The following UNC80 variants were observed in gnomAD, a reference collection of about 807,000 sequenced individuals.
UNC80 encodes unc-80 subunit of NALCN channel complex.
Under a neutral mutation model 384.6 loss-of-function variants are expected in UNC80, and 164 were observed. The ratio of observed to expected loss-of-function variants is 0.43; its 90% confidence interval spans 0.38 to 0.49. UNC80 has a LOEUF of 0.49. UNC80 is among the 20% of genes least tolerant of loss of function. The pLI is 0.00. For missense variants in UNC80, 3,330 were observed against 4,143.0 expected, an observed-to-expected ratio of 0.80 and a Z score of 5.39; for synonymous variants, 1,486 against 1,527.8, an observed-to-expected ratio of 0.97 and a Z score of 0.64.
At chr2:209,813,483 C>G (rs1295182531) in intron 7 of UNC80, 97 bp from the exon 8 acceptor site, 1 of 1,302,340 alleles carries the variant, frequency 7.7e-7, no homozygotes, top group African/African-American at 1.5e-5. Context: ...AAATGAATAA[C>G]TAAACAAATG....
chr2:209,850,895 A>C (rs889568844), intron 22 of UNC80, among the ~76,000 whole-genome samples: 1 of 152,100 alleles, frequency 6.6e-6, no homozygotes, highest in Non-Finnish European at 1.5e-5. Context: ...CCTGTTTTCT[A>C]GGTGGGATAG....
At chr2:209,842,580 T>G (rs1266546089) in intron 21 of UNC80, 134 bp downstream of exon 21, 1 of 662,070 alleles carries the variant, frequency 1.5e-6, no homozygotes, top group Admixed American at 2.9e-5. Flanking sequence ...CTTTTACCAC[T>G]GTCTATAGCT....
intron 7 of UNC80, among the ~76,000 whole-genome samples, chr2:209,796,721 GCCA>G (rs1174493339): frequency 6.6e-6 from 1 of 152,104 alleles, no homozygotes; most frequent in East Asian, 1.9e-4. Flanking sequence ...TTCTCTTGCT[GCCA>G]CCATGTAAGA....
intron 20 of UNC80, among the ~76,000 whole-genome samples, chr2:209,841,253 T>C (rs2081723221): frequency 6.6e-6 from 1 of 152,242 alleles, no homozygotes; most frequent in African/African-American, 2.4e-5. Flanking sequence ...CTTTTATGTG[T>C]ACAAATTATT....
intron 16 of UNC80, 60 bp downstream of exon 16, chr2:209,831,651 C>T (rs988020056): frequency 9.6e-5 from 136 of 1,416,662 alleles, no homozygotes; most frequent in Admixed American, 4.4e-4. Context: ...GAAAAGTACT[C>T]ATTGTCGTGG....
At chr2:209,984,745 A>G in intron 60 of UNC80, 111 bp from the exon 61 acceptor site, 1 of 991,576 alleles carries the variant, frequency 1.0e-6, no homozygotes, top group Non-Finnish European at 1.5e-6. Flanking sequence ...GTTCGGTTAA[A>G]TCTATTTATT....
intron 4 of UNC80, among the ~76,000 whole-genome samples, chr2:209,783,476 G>A (rs574774879): frequency 1.3e-5 from 2 of 152,098 alleles, no homozygotes; most frequent in South Asian, 2.1e-4. Flanking sequence ...GATTTATTTG[G>A]AGAAGGTAAA....
At chr2:209,948,297 A>T (rs1043199846) in intron 47 of UNC80, among the ~76,000 whole-genome samples, 2 of 152,162 alleles carry the variant, frequency 1.3e-5, no homozygotes, top group Non-Finnish European at 2.9e-5. Context: ...CACCAACAGT[A>T]TGTAAATGTT....
intron 11 of UNC80, among the ~76,000 whole-genome samples, chr2:209,818,749 C>A (rs1231205162): frequency 2.0e-5 from 3 of 152,218 alleles, no homozygotes; most frequent in Non-Finnish European, 4.4e-5. Context: ...AAATCCTAAT[C>A]TCAGCCTTAA....
rs201023763 is a variant in UNC80 at position 209,921,676 on chromosome 2, G to A, written c.5520G>A (p.Pro1840=). Residue 1840 remains proline, a synonymous_variant, in exon 34 of 65, where the codon CCG becomes CCA. Coordinates refer to ENST00000673920, the MANE Select transcript of UNC80 (RefSeq NM_001371986.1). ...YEPTCTPNSE[P]EEEVEEVTNL... ...CCACATGCACGCCCAACTCAGAACC[G>A]GAAGAAGAAGGTGCCCTCTGCACAC... The A allele has an allele frequency of 1.2e-4, 193 of 1,549,668 alleles. No homozygotes were observed. In the Middle Eastern group the frequency reaches 1.5e-3, roughly 12 times the overall value.
At chr2:209,866,785 C>CA (rs1217126799) in intron 22 of UNC80, among the ~76,000 whole-genome samples, 1 of 152,160 alleles carries the variant, frequency 6.6e-6, no homozygotes, top group Non-Finnish European at 1.5e-5. Context: ...TTTCGATACT[C>CA]ACATTTATCT....
intron 38 of UNC80, among the ~76,000 whole-genome samples, chr2:209,931,364 AAC>A (rs61386739): frequency 0.11 from 13,402 of 125,302 alleles, 624 homozygotes; most frequent in East Asian, 0.2. Context: ...TCTATGTTTA[AAC>A]ACACACACAC....
At chr2:209,938,538 G>C (rs1055158174) in intron 42 of UNC80, among the ~76,000 whole-genome samples, 1 of 152,134 alleles carries the variant, frequency 6.6e-6, no homozygotes, top group Non-Finnish European at 1.5e-5. Flanking sequence ...TGTGTTGCAA[G>C]GTGTGAGATG....
At chr2:209,945,470 G>C (rs897415017) in intron 46 of UNC80, among the ~76,000 whole-genome samples, 8 of 152,182 alleles carry the variant, frequency 5.3e-5, no homozygotes, top group African/African-American at 1.4e-4. Flanking sequence ...AGAAAGTTGG[G>C]TTATCTTGGG....
intron 26 of UNC80, among the ~76,000 whole-genome samples, chr2:209,890,298 A>G (rs937452617): frequency 4.6e-5 from 7 of 152,280 alleles, no homozygotes; most frequent in Non-Finnish European, 8.8e-5. Context: ...TTTTTGTGCT[A>G]ATTACTTAAG....
intron 42 of UNC80, among the ~76,000 whole-genome samples, chr2:209,938,308 A>G (rs1459913149): frequency 2.0e-5 from 3 of 152,228 alleles, no homozygotes; most frequent in African/African-American, 4.8e-5. Context: ...AATATTGCAT[A>G]TTTATTACAT....
At chr2:209,866,356 G>C (rs554868897) in intron 22 of UNC80, among the ~76,000 whole-genome samples, 12 of 151,882 alleles carry the variant, frequency 7.9e-5, no homozygotes, top group Admixed American at 3.3e-4. Context: ...CTGATCCCTT[G>C]GTTCTCAACA....
chr2:209,933,564 TG>T (rs2091041729), intron 38 of UNC80, among the ~76,000 whole-genome samples: 1 of 23,850 alleles, frequency 4.2e-5, no homozygotes, highest in Non-Finnish European at 8.3e-5. Context: ...GATGCCTGGG[TG>T]GGGGGAGGGG....
At chr2:209,988,706 C>T (rs950090372) in intron 61 of UNC80, among the ~76,000 whole-genome samples, 10 of 152,074 alleles carry the variant, frequency 6.6e-5, no homozygotes, top group African/African-American at 2.4e-4. Context: ...CTAACATTCT[C>T]TAAATTTCCC....
Sources: gnomAD v4.1 joint callset for allele counts (sites outside exome capture counted in the v4.1 genomes callset) on GRCh38, gnomAD v4.1.1 for gene constraint, MANE v1.5 for transcripts, NCBI Gene and HGNC (gene_info 2026-07-23, HGNC 2026-07-21) for gene names.